MBP: variants seen among roughly 807,000 people sequenced by gnomAD.
The protein encoded by MBP is myelin basic protein.
In MBP, 16 loss-of-function variants were observed where a neutral mutation model predicts 35.8. The observed-to-expected ratio is 0.45, with a 90% CI of 0.30 to 0.68. MBP has a LOEUF of 0.68. Ranked by LOEUF, MBP falls within the 30% of genes least tolerant of loss-of-function variation. The pLI, the probability that MBP is intolerant of heterozygous loss-of-function variation, is 0.08. For synonymous variants in MBP, 143 were observed against 159.6 expected (o/e 0.90, Z 0.78); for missense variants, 380 against 404.7 (o/e 0.94, Z 0.52).
chr18:76,980,184 A>G lies in MBP; in HGVS notation c.*243T>C, dbSNP rs1969099273. On this transcript the variant is annotated 3_prime_UTR_variant, in exon 9 of 9. Coordinates refer to ENST00000355994, the MANE Select transcript of MBP (RefSeq NM_001025101.2). ...GCGTCTGGGGGCACATTGCGGGGGA[A>G]GGAACGTGATCTTCACACAGAAAGG... 7.9e-6 allele frequency: 5 copies of G among 635,102 alleles called. No homozygotes were observed. The allele number at this position is 635,102 out of a possible 1,614,324, so 39.3% of individuals were successfully genotyped here.
chr18:77,037,903 C>A (rs1053333225), intron 3 of MBP, among the ~76,000 whole-genome samples: 12 of 152,256 alleles, frequency 7.9e-5, no homozygotes, highest in African/African-American at 2.7e-4. Flanking sequence ...CAGAAATAAT[C>A]ATTTTGAAAT....
At position 76,989,107 on chromosome 18, in the gene MBP, A is replaced by T. The variant is rs973457992; in HGVS notation, c.682-195T>A. ...ATTGAAAATATTCTAGATGATGCAG[A>T]TCTCCCAGAGCACTCAGGAAGTGTT... On this transcript the variant is annotated intron_variant, in intron 5 of 8. Coordinates refer to ENST00000355994, the MANE Select transcript of MBP (RefSeq NM_001025101.2). This position sits in a 1 kb window ranked among gnomAD's most constrained non-coding sequence, Gnocchi z 4.0. 1.4e-6 allele frequency: 1 copy of T among 705,588 alleles called. No individual in the cohort carries two copies. The highest frequency in any genetic ancestry group is 2.0e-5 in the Admixed American group (1 of 50,156). 43.7% of individuals were successfully genotyped at this position (705,588 alleles called of 1,614,324 possible). A position where few individuals can be genotyped will look rare whatever the true frequency, so the allele number is the denominator to read the frequency against.
rs72990928 is a variant in MBP, at chr18:77,073,479, C to A, written c.52-7094G>T. Reference sequence around the variant, plus strand: ...ATACCCAGTTCACACAGGAGCCATGCGAATGGGCCCAGGTGGCTGTCTGCA... The same window carrying A: ...ATACCCAGTTCACACAGGAGCCATGAGAATGGGCCCAGGTGGCTGTCTGCA... On this transcript the variant is annotated intron_variant, in intron 2 of 8. Coordinates refer to ENST00000355994, the MANE Select transcript of MBP (RefSeq NM_001025101.2). 3.9e-3 allele frequency among the ~76,000 whole-genome samples: 587 copies of A among 152,330 alleles called. 4 individuals are homozygous for A. Among genetic ancestry groups the A allele is most frequent in the Non-Finnish European group, 6.9e-3 (466 of 68,028 alleles).
chr18:76,995,094 A>G (rs1970196443), intron 4 of MBP, among the ~76,000 whole-genome samples: 1 of 152,264 alleles, frequency 6.6e-6, no homozygotes, highest in Non-Finnish European at 1.5e-5. Context: ...ATTATTACAT[A>G]TAATAGCATC....
chr18:77,027,146 C>T (rs1437441313), intron 3 of MBP, among the ~76,000 whole-genome samples: 1 of 152,012 alleles, frequency 6.6e-6, no homozygotes, highest in Non-Finnish European at 1.5e-5. Context: ...AGGCCTTTGT[C>T]TCGCCACCTC....
At position 77,101,733 on chromosome 18, in the gene MBP, C is replaced by T. The variant is rs993773218; in HGVS notation, c.51+3478G>A. ...CTCTTCCTCTTACATCCTGCCGTGG[C>T]TTATTCGGGATGAGAGAGAAGCAAA... On this transcript the variant is annotated intron_variant, in intron 2 of 8. Coordinates refer to ENST00000355994, the MANE Select transcript of MBP (RefSeq NM_001025101.2). The surrounding 1 kb of genome is among the most constrained non-coding windows in gnomAD (Gnocchi z 4.3). Among the ~76,000 whole-genome samples, 11 of 152,100 alleles carry T rather than the reference C, an allele frequency of 7.2e-5. No homozygotes were observed. Among genetic ancestry groups the T allele is most frequent in the Non-Finnish European group, 1.6e-4 (11 of 68,012 alleles).
At chr18:77,105,022 T>C (rs1437686236) in intron 2 of MBP, among the ~76,000 whole-genome samples, 189 bp downstream of exon 2, 1 of 146,320 alleles carries the variant, frequency 6.8e-6, no homozygotes, top group Non-Finnish European at 1.5e-5. Context: ...AATAAATTAA[T>C]AATTAATAAT....
intron 3 of MBP, among the ~76,000 whole-genome samples, chr18:77,050,628 C>T (rs559480300): frequency 7.9e-5 from 12 of 152,252 alleles, no homozygotes; most frequent in Non-Finnish European, 1.5e-4. Flanking sequence ...CTCACTGCAA[C>T]CTGTGTCTCC....
chr18:77,016,379 T>C, intron 4 of MBP: 1 of 994,734 alleles, frequency 1.0e-6, no homozygotes, highest in Non-Finnish European at 1.2e-6. Flanking sequence ...AATCCTATGA[T>C]TGTCGCAGAG....
At chr18:77,081,773 C>CACATATATAT in intron 2 of MBP, among the ~76,000 whole-genome samples, 1 of 140,872 alleles carries the variant, frequency 7.1e-6, no homozygotes, top group South Asian at 2.2e-4. Context: ...TATATACACA[C>CACATATATAT]ACACACACAC....
Position 76,988,377 on chromosome 18 carries a change from CT to C in MBP, c.750+117del. 6.2e-7 allele frequency: 1 copy of C among 1,613,142 alleles called. No individual in the cohort carries two copies. ...CGATCCCAGCTGTGGGCAGAGAGGT[CT>C]CGAGAGGAGAGAAAAGGAGGCCAGG... On this transcript the variant is annotated intron_variant, in intron 7 of 8. Transcript: ENST00000355994. The surrounding 1 kb of genome is among the most constrained non-coding windows in gnomAD (Gnocchi z 5.2).
intron 3 of MBP, among the ~76,000 whole-genome samples, chr18:77,049,845 A>G (rs1413478753): frequency 2.0e-5 from 3 of 151,956 alleles, no homozygotes; most frequent in African/African-American, 7.2e-5. Flanking sequence ...ACACCCGGCT[A>G]ATTTTTGTAT....
At chr18:77,070,998 G>A (rs1475504195) in intron 2 of MBP, among the ~76,000 whole-genome samples, 2 of 152,158 alleles carry the variant, frequency 1.3e-5, no homozygotes, top group Non-Finnish European at 2.9e-5. Flanking sequence ...TGGCACACAC[G>A]CACACGCACA....
chr18:77,118,794 C>A (rs560270311), intron 1 of MBP, among the ~76,000 whole-genome samples: 1 of 150,312 alleles, frequency 6.7e-6, no homozygotes. Context: ...ACACTCCACA[C>A]CCCCTACACA....
chr18:77,012,650 C>T, intron 4 of MBP: 1 of 257,592 alleles, frequency 3.9e-6, no homozygotes. Flanking sequence ...CACAGAAGGG[C>T]AGGAGCTCGG....
intron 1 of MBP, among the ~76,000 whole-genome samples, chr18:77,124,444 C>A (rs905941253): frequency 1.3e-5 from 2 of 149,868 alleles, no homozygotes; most frequent in Non-Finnish European, 3.0e-5. Flanking sequence ...CCTCCCACCC[C>A]CCACCCCGTG....
rs145961105 is a variant in MBP, at chr18:77,008,230, C to G, written c.576+8602G>C. Among the ~76,000 whole-genome samples, 24 of 152,346 alleles carry G rather than the reference C, an allele frequency of 1.6e-4. No individual in the cohort carries two copies. In the East Asian group the frequency reaches 4.4e-3, roughly 28 times the overall value. On this transcript the variant is annotated intron_variant, in intron 4 of 8. Coordinates refer to ENST00000355994, the MANE Select transcript of MBP (RefSeq NM_001025101.2). ...GTGAAAATCCTCCTTCTCGCCAGCA[C>G]TGCTCTCCAGGGCGGGGCCGGCAGG...
At chr18:77,071,172 CA>C (rs1974430380) in intron 2 of MBP, among the ~76,000 whole-genome samples, 1 of 152,284 alleles carries the variant, frequency 6.6e-6, no homozygotes, top group East Asian at 1.9e-4. Flanking sequence ...AAACATTATA[CA>C]GCATATTCTT....
chr18:76,996,966 C>G (rs1970303280), intron 4 of MBP, among the ~76,000 whole-genome samples: 1 of 152,170 alleles, frequency 6.6e-6, no homozygotes, highest in African/African-American at 2.4e-5. Context: ...TTCTGATTGG[C>G]AGTCTCAGGT....
Sources: gnomAD v4.1 joint callset for allele counts (sites outside exome capture counted in the v4.1 genomes callset) on GRCh38, gnomAD v4.1.1 for gene constraint, Gnocchi (gnomAD v3.1) non-coding constraint, MANE v1.5 for transcripts, NCBI Gene and HGNC (gene_info 2026-07-23, HGNC 2026-07-21) for gene names.